The following IMMP2L variants were observed in gnomAD, a reference collection of about 807,000 sequenced individuals.
IMMP2L encodes the protein mitochondrial inner membrane protease subunit 2.
In IMMP2L, 18 loss-of-function variants were observed where a neutral mutation model predicts 19.3. That is an observed-to-expected ratio of 0.93 (90% CI 0.64 to 1.38). The LOEUF (loss-of-function observed/expected upper bound fraction) is 1.38. Ranked by LOEUF, IMMP2L falls within the 40% of genes most tolerant of loss-of-function variation. IMMP2L has a pLI of 0.00. For missense variants in IMMP2L, 233 were observed against 218.2 expected (o/e 1.07, Z -0.43); for synonymous variants, 76 against 73.0 (o/e 1.04, Z -0.21).
chr7:111,250,558 A>G (rs567796236), intron 3 of IMMP2L, among the ~76,000 whole-genome samples: 30 of 152,326 alleles, frequency 2.0e-4, no homozygotes, highest in South Asian at 4.1e-4. Flanking sequence ...AAACAGAGAC[A>G]TAGACCAATG....
chr7:111,271,642 G>C (rs555503189), intron 3 of IMMP2L, among the ~76,000 whole-genome samples: 1 of 151,988 alleles, frequency 6.6e-6, no homozygotes, highest in Non-Finnish European at 1.5e-5. Context: ...TGCTGGTCAC[G>C]GGACCACATT....
intron 3 of IMMP2L, among the ~76,000 whole-genome samples, chr7:111,255,871 T>A (rs760589571): frequency 1.3e-5 from 2 of 152,080 alleles, no homozygotes; most frequent in African/African-American, 2.4e-5. Context: ...ATACAATGCT[T>A]CTAACCAGAT....
In IMMP2L at chr7:111,546,318, T is replaced by A. The variant is rs142927098; in HGVS notation, c.-3+15533A>T. Among the ~76,000 whole-genome samples the A allele has an allele frequency of 6.3e-3, 956 of 152,284 alleles. 10 individuals carry two copies. Among genetic ancestry groups the A allele is most frequent in the Middle Eastern group, 0.014 (4 of 294 alleles). On this transcript the variant is annotated intron_variant, in intron 1 of 5. Transcript: ENST00000405709. ...ATGATCACACTTGCCTAGTTCCCTATACCCTCAATGACACATTGTGTTTTC... is the reference window on the plus strand; with the variant it reads ...ATGATCACACTTGCCTAGTTCCCTAAACCCTCAATGACACATTGTGTTTTC...
intron 4 of IMMP2L, among the ~76,000 whole-genome samples, chr7:110,918,598 G>A (rs1041934024): frequency 6.6e-6 from 1 of 151,676 alleles, no homozygotes; most frequent in African/African-American, 2.4e-5. Context: ...TGGGATTACA[G>A]GCGTGTACCA....
intron 1 of IMMP2L, chr7:111,532,631 T>A (rs150969462): frequency 6.6e-6 from 1 of 152,140 alleles, no homozygotes; most frequent in African/African-American, 2.4e-5. Flanking sequence ...CACAAAAAAG[T>A]AGGACTGAAA....
At chr7:111,231,708 A>C (rs1813733122) in intron 3 of IMMP2L, among the ~76,000 whole-genome samples, 3 of 152,060 alleles carry the variant, frequency 2.0e-5, no homozygotes, top group African/African-American at 7.2e-5. Context: ...ACTGAAAGTG[A>C]ATGAATAAAT....
At chr7:110,745,821 C>G (rs1329870962) in intron 5 of IMMP2L, among the ~76,000 whole-genome samples, 1 of 152,082 alleles carries the variant, frequency 6.6e-6, no homozygotes, top group African/African-American at 2.4e-5. Context: ...AGACCATCGA[C>G]ACTATGAAGA....
At chr7:110,719,907 T>C (rs1795464733) in intron 5 of IMMP2L, among the ~76,000 whole-genome samples, 1 of 152,194 alleles carries the variant, frequency 6.6e-6, no homozygotes, top group Non-Finnish European at 1.5e-5. Flanking sequence ...AGCCAAAATA[T>C]CAAGTAAATC....
intron 3 of IMMP2L, among the ~76,000 whole-genome samples, chr7:111,476,261 GC>G (rs1467019695): frequency 2.6e-5 from 4 of 152,056 alleles, no homozygotes; most frequent in African/African-American, 9.7e-5. Flanking sequence ...TGAAGAACTG[GC>G]AAATAGAGGC....
chr7:111,275,456 C>T (rs578125739), intron 3 of IMMP2L, among the ~76,000 whole-genome samples: 6 of 152,228 alleles, frequency 3.9e-5, no homozygotes, highest in Admixed American at 2.6e-4. Flanking sequence ...AAGTAATTCA[C>T]ACTCCAAAAA....
At chr7:111,538,026 C>T (rs1448648322) in intron 1 of IMMP2L, among the ~76,000 whole-genome samples, 2 of 152,186 alleles carry the variant, frequency 1.3e-5, no homozygotes, top group African/African-American at 2.4e-5. Context: ...ATCAGGAAGT[C>T]CACTCCGACT....
chr7:110,676,037 GA>G (rs993073089), intron 5 of IMMP2L, among the ~76,000 whole-genome samples: 1 of 152,036 alleles, frequency 6.6e-6, no homozygotes, highest in Non-Finnish European at 1.5e-5. Flanking sequence ...TTTTGCAAAA[GA>G]AAAAAATAAA....
At chr7:111,010,956 A>T (rs1423814735) in intron 3 of IMMP2L, among the ~76,000 whole-genome samples, 1 of 151,876 alleles carries the variant, frequency 6.6e-6, no homozygotes, top group Non-Finnish European at 1.5e-5. Context: ...AAAAAAGGTC[A>T]AGATACAGAC....
At chr7:110,812,353 C>T (rs1802103063) in intron 5 of IMMP2L, among the ~76,000 whole-genome samples, 1 of 152,036 alleles carries the variant, frequency 6.6e-6, no homozygotes, top group Admixed American at 6.6e-5. Context: ...TCACCCTCTG[C>T]ATCATTATTT....
chr7:111,203,800 T>C (rs1177894407), intron 3 of IMMP2L, among the ~76,000 whole-genome samples: 3 of 152,028 alleles, frequency 2.0e-5, no homozygotes, highest in Non-Finnish European at 4.4e-5. Flanking sequence ...AGCAAAGCAA[T>C]GTAATTCCAA....
chr7:110,909,373 C>A (rs370851387), intron 4 of IMMP2L, among the ~76,000 whole-genome samples: 1 of 152,240 alleles, frequency 6.6e-6, no homozygotes, highest in African/African-American at 2.4e-5. Context: ...TCATTTTACA[C>A]AGAAATTCAG....
At chr7:111,426,028 G>A (rs1156442506) in intron 3 of IMMP2L, among the ~76,000 whole-genome samples, 7 of 150,960 alleles carry the variant, frequency 4.6e-5, no homozygotes, top group Non-Finnish European at 5.9e-5. Context: ...ATAAAAACAC[G>A]ACAGGGAGGG....
chr7:110,706,026 C>A (rs950827706), intron 5 of IMMP2L, among the ~76,000 whole-genome samples: 15 of 152,042 alleles, frequency 9.9e-5, no homozygotes, highest in Admixed American at 3.9e-4. Flanking sequence ...GATGAATATA[C>A]AAGTGCACAT....
intron 3 of IMMP2L, among the ~76,000 whole-genome samples, chr7:110,981,664 G>T (rs1485986009): frequency 6.6e-6 from 1 of 151,928 alleles, no homozygotes; most frequent in Non-Finnish European, 1.5e-5. Flanking sequence ...TCATTAGAGT[G>T]CTGATTCAAT....
Sources: allele counts gnomAD v4.1 joint callset (sites outside exome capture counted in the v4.1 genomes callset), GRCh38; gene constraint gnomAD v4.1.1; transcripts MANE v1.5; gene names NCBI Gene and HGNC (gene_info 2026-07-23, HGNC 2026-07-21).